The following MAGI2 variants were observed in gnomAD, a reference collection of about 807,000 sequenced individuals.
The protein encoded by MAGI2 is membrane-associated guanylate kinase, WW and PDZ domain-containing protein 2.
MAGI2 carries 35 observed loss-of-function variants against 133.3 expected under a neutral mutation model. The ratio of observed to expected loss-of-function variants is 0.26; its 90% CI spans 0.20 to 0.35. The LOEUF (loss-of-function observed/expected upper bound fraction) is 0.35, where lower values mean the gene tolerates loss of function less well. Ranked by LOEUF, MAGI2 falls within the 10% of genes least tolerant of loss-of-function variation. MAGI2 has a pLI of 1.00. For synonymous variants in MAGI2, 729 were observed against 710.6 expected (o/e 1.03, Z -0.41); for missense variants, 1,636 against 1,863.4 (o/e 0.88, Z 2.25).
chr7:79,187,199 T>C (rs900438976), intron 1 of MAGI2, among the ~76,000 whole-genome samples: 3 of 151,784 alleles, frequency 2.0e-5, no homozygotes, highest in African/African-American at 7.3e-5. Context: ...TTAAAATGTA[T>C]ATAATTTAGT....
intron 1 of MAGI2, among the ~76,000 whole-genome samples, chr7:79,132,129 C>G (rs1374940051): frequency 6.6e-6 from 1 of 152,088 alleles, no homozygotes; most frequent in Non-Finnish European, 1.5e-5. Context: ...AGGTAGATCA[C>G]TCGCACTGGC....
chr7:78,126,024 G>A (rs755941943), intron 19 of MAGI2, among the ~76,000 whole-genome samples, 187 bp from the exon 20 acceptor site: 7 of 152,174 alleles, frequency 4.6e-5, no homozygotes, highest in Non-Finnish European at 7.3e-5. Context: ...GTTTGAGCAG[G>A]CCAGAGCACA....
intron 2 of MAGI2, among the ~76,000 whole-genome samples, chr7:78,987,188 T>C (rs555169400): frequency 6.6e-6 from 1 of 152,164 alleles, no homozygotes; most frequent in Non-Finnish European, 1.5e-5. Context: ...AGTTTTATTT[T>C]ATAAATTTAC....
At chr7:79,024,742 A>G (rs1486719688) in intron 1 of MAGI2, among the ~76,000 whole-genome samples, 1 of 152,194 alleles carries the variant, frequency 6.6e-6, no homozygotes, top group Non-Finnish European at 1.5e-5. Flanking sequence ...GACAACAAGC[A>G]CATGAAAAAA....
intron 1 of MAGI2, among the ~76,000 whole-genome samples, chr7:79,327,098 G>C (rs1039210627): frequency 1.3e-5 from 2 of 152,098 alleles, no homozygotes; most frequent in Non-Finnish European, 2.9e-5. Flanking sequence ...TGGTGGGTTT[G>C]AATCCTGCTT....
At chr7:78,955,769 C>CTTTCTTTCTTTTCTTTCT (rs1554310424) in intron 2 of MAGI2, among the ~76,000 whole-genome samples, 1 of 116,770 alleles carries the variant, frequency 8.6e-6, no homozygotes, top group Admixed American at 8.9e-5. Flanking sequence ...TTCTTTCTTT[C>CTTTCTTTCTTTTCTTTCT]TTTCTTTCTT....
At chr7:78,417,081 T>C (rs1179859043) in intron 6 of MAGI2, among the ~76,000 whole-genome samples, 1 of 152,114 alleles carries the variant, frequency 6.6e-6, no homozygotes, top group Admixed American at 6.6e-5. Flanking sequence ...TAAAAGAAGA[T>C]AACAAGATCA....
chr7:78,702,552 T>C (rs950337040), intron 2 of MAGI2, among the ~76,000 whole-genome samples: 1 of 152,008 alleles, frequency 6.6e-6, no homozygotes, highest in Admixed American at 6.6e-5. Context: ...TGTGAAATAA[T>C]TAGAACAATG....
chr7:78,374,284 G>T (rs984799703), intron 6 of MAGI2, among the ~76,000 whole-genome samples: 4 of 152,168 alleles, frequency 2.6e-5, no homozygotes, highest in African/African-American at 9.6e-5. Context: ...GTATCCTTTT[G>T]TGGTTTGAGT....
intron 7 of MAGI2, among the ~76,000 whole-genome samples, chr7:78,355,885 T>G (rs1792026415): frequency 6.6e-6 from 1 of 152,242 alleles, no homozygotes; most frequent in Non-Finnish European, 1.5e-5. Context: ...AACTCAGTGA[T>G]CACGTGCATA....
intron 13 of MAGI2, among the ~76,000 whole-genome samples, chr7:78,184,911 C>T (rs111756724): frequency 2.0e-5 from 3 of 152,112 alleles, no homozygotes; most frequent in African/African-American, 7.2e-5. Flanking sequence ...TAGATATTTA[C>T]TTGATTTGAA....
In MAGI2 at chr7:78,645,323, A is replaced by G. The variant is rs545647130; in HGVS notation, c.419-18084T>C. ...TTCCTTCTATAAGGCCAATATTACC[A>G]TGATATCATAAAACCAGACAAACAT... On this transcript the variant is annotated intron_variant, in intron 2 of 21. Transcript: ENST00000354212. 1.2e-4 allele frequency among the ~76,000 whole-genome samples: 18 copies of G among 152,326 alleles called. 1 individual carries two copies. The South Asian group carries it at 2.9e-3, about 25-fold the overall frequency.
intron 1 of MAGI2, among the ~76,000 whole-genome samples, chr7:79,374,808 C>T (rs1242564955): frequency 6.6e-6 from 1 of 151,918 alleles, no homozygotes; most frequent in African/African-American, 2.4e-5. Context: ...ATTTAGCCTA[C>T]ATAAAATTGT....
rs1227781188 is a variant in MAGI2, at chr7:79,146,957, G to A, written c.302-139751C>T. Reference sequence around the variant, plus strand: ...ATTTAGCTGGCTCAACCTCTTACCCGAAGCAAGAGTCTCTTCTAGATTACT... The same window carrying A: ...ATTTAGCTGGCTCAACCTCTTACCCAAAGCAAGAGTCTCTTCTAGATTACT... On this transcript the variant is annotated intron_variant, in intron 1 of 21. Transcript: ENST00000354212. Among the ~76,000 whole-genome samples, 7 of 152,156 alleles carry A rather than the reference G, an allele frequency of 4.6e-5. No homozygotes were observed. The East Asian group carries it at 5.8e-4, about 13-fold the overall frequency.
chr7:78,700,060 A>C (rs1817909564), intron 2 of MAGI2, among the ~76,000 whole-genome samples: 1 of 152,188 alleles, frequency 6.6e-6, no homozygotes, highest in South Asian at 2.1e-4. Flanking sequence ...ACTGTGCTAT[A>C]AATTGTTTTC....
At chr7:78,456,988 C>T (rs1789387525) in intron 6 of MAGI2, 1 of 152,184 alleles carries the variant, frequency 6.6e-6, no homozygotes, top group Admixed American at 6.5e-5. Context: ...CAACAATCTG[C>T]AAGTCGGTGC....
intron 2 of MAGI2, among the ~76,000 whole-genome samples, chr7:78,964,729 A>T (rs1803157811): frequency 6.6e-6 from 1 of 152,064 alleles, no homozygotes; most frequent in African/African-American, 2.4e-5. Flanking sequence ...TAAAAATTAC[A>T]ATAGGAATAT....
intron 2 of MAGI2, among the ~76,000 whole-genome samples, chr7:78,887,561 C>T (rs939117196): frequency 6.6e-6 from 1 of 152,212 alleles, no homozygotes; most frequent in Non-Finnish European, 1.5e-5. Context: ...TTATGAATGG[C>T]TATATCATCG....
chr7:79,239,330 A>G (rs1003001163), intron 1 of MAGI2, among the ~76,000 whole-genome samples: 1 of 151,978 alleles, frequency 6.6e-6, no homozygotes, highest in African/African-American at 2.4e-5. Flanking sequence ...TGTTTCTAAG[A>G]CTCGACCTCA....
Sources: gnomAD v4.1 joint callset for allele counts (sites outside exome capture counted in the v4.1 genomes callset) on GRCh38, gnomAD v4.1.1 for gene constraint, MANE v1.5 for transcripts, NCBI Gene and HGNC (gene_info 2026-07-23, HGNC 2026-07-21) for gene names.